CAMSAP2: variants seen among roughly 807,000 people sequenced by gnomAD.
CAMSAP2 encodes calmodulin regulated spectrin associated protein family member 2, also known as calmodulin-regulated spectrin-associated protein 2.
A neutral mutation model predicts 146.1 loss-of-function variants in CAMSAP2; 26 were observed. The ratio of observed to expected loss-of-function variants is 0.18; its 90% CI spans 0.13 to 0.25. The LOEUF is 0.25. Ranked by LOEUF, CAMSAP2 falls within the 10% of genes least tolerant of loss-of-function variation. The probability of loss-of-function intolerance (pLI) is 1.00; values close to 1 mark genes in which losing one functional copy is unlikely to be tolerated. For missense variants in CAMSAP2, 1,381 were observed against 1,759.3 expected (o/e 0.78, Z 3.85); for synonymous variants, 499 against 596.6 (o/e 0.84, Z 2.38).
intron 2 of CAMSAP2, among the ~76,000 whole-genome samples, chr1:200,770,224 A>G (rs1665077985): frequency 6.6e-6 from 1 of 152,214 alleles, no homozygotes; most frequent in African/African-American, 2.4e-5. Context: ...GTAATGTATG[A>G]TATAGGTGGT....
At chr1:200,816,251 G>A (rs1215786969) in intron 4 of CAMSAP2, among the ~76,000 whole-genome samples, 1 of 151,770 alleles carries the variant, frequency 6.6e-6, no homozygotes, top group African/African-American at 2.4e-5. Flanking sequence ...TCATGCCACT[G>A]CACTCCAGCC....
At chr1:200,812,459 A>C (rs1192612368) in intron 3 of CAMSAP2, among the ~76,000 whole-genome samples, 2 of 152,148 alleles carry the variant, frequency 1.3e-5, no homozygotes, top group African/African-American at 2.4e-5. Context: ...ATTTGATTCA[A>C]CCTGAACTGC....
At chr1:200,762,639 T>C (rs779974666) in intron 2 of CAMSAP2, among the ~76,000 whole-genome samples, 2 of 152,226 alleles carry the variant, frequency 1.3e-5, no homozygotes, top group Admixed American at 6.5e-5. Context: ...CAGATACAGA[T>C]ATATATGTCA....
intron 3 of CAMSAP2, among the ~76,000 whole-genome samples, chr1:200,808,133 G>T (rs902482821): frequency 6.6e-6 from 1 of 152,176 alleles, no homozygotes; most frequent in Non-Finnish European, 1.5e-5. Context: ...TACACAGTGG[G>T]TGTTCAGTAA....
intron 3 of CAMSAP2, among the ~76,000 whole-genome samples, chr1:200,813,862 G>A (rs1394410405): frequency 2.0e-5 from 3 of 151,996 alleles, no homozygotes; most frequent in Non-Finnish European, 4.4e-5. Context: ...ACTTTCGGAG[G>A]CTGAGGCAGG....
At chr1:200,771,760 G>C (rs1665123840) in intron 2 of CAMSAP2, among the ~76,000 whole-genome samples, 1 of 152,168 alleles carries the variant, frequency 6.6e-6, no homozygotes, top group East Asian at 1.9e-4. Context: ...AGTGATGGAA[G>C]GTGGTTGGAA....
intron 6 of CAMSAP2, among the ~76,000 whole-genome samples, chr1:200,835,599 A>G (rs939684811): frequency 6.6e-6 from 1 of 152,216 alleles, no homozygotes; most frequent in African/African-American, 2.4e-5. Context: ...AGTTGTACCC[A>G]GTCTCTTGTG....
intron 4 of CAMSAP2, among the ~76,000 whole-genome samples, chr1:200,817,074 G>A (rs1468929490): frequency 2.2e-5 from 3 of 137,786 alleles, no homozygotes; most frequent in African/African-American, 7.9e-5. Context: ...ACGTATATAT[G>A]TGTATACACA....
rs535773446 is a variant in CAMSAP2, at chr1:200,856,730, A to G, written c.4013-576A>G. ...CATGTATGGGGAAGAGCAGAGGGAA[A>G]AGGAGATGCCTCCATCTATCCATGA... On this transcript the variant is annotated intron_variant, in intron 15 of 16. Coordinates refer to ENST00000358823, the MANE Select transcript of CAMSAP2 (RefSeq NM_203459.4). Among the ~76,000 whole-genome samples the G allele has an allele frequency of 4.6e-5, 7 of 152,314 alleles. No individual in the cohort carries two copies. In the East Asian group the frequency reaches 9.7e-4, roughly 21 times the overall value.
At chr1:200,826,791 C>T (rs1020053154) in intron 4 of CAMSAP2, among the ~76,000 whole-genome samples, 3 of 151,972 alleles carry the variant, frequency 2.0e-5, no homozygotes, top group African/African-American at 4.8e-5. Context: ...GCCCCTTTGT[C>T]GGTAGAAACT....
rs373049944 is a variant in CAMSAP2, at chr1:200,765,119, A to C, written c.399+4021A>C. Among the ~76,000 whole-genome samples, 9 of 152,146 alleles carry C rather than the reference A, an allele frequency of 5.9e-5. No homozygotes were observed. In the East Asian group the frequency reaches 1.2e-3, roughly 20 times the overall value. On this transcript the variant is annotated intron_variant, in intron 2 of 16. Coordinates refer to ENST00000358823, the MANE Select transcript of CAMSAP2 (RefSeq NM_203459.4). ...ATTCCATCTCAAAAAAAACAAAAAA[A>C]CAAAAAAACTCAACGTAACTTCTCA...
intron 1 of CAMSAP2, among the ~76,000 whole-genome samples, chr1:200,751,828 C>T (rs773701383): frequency 7.2e-5 from 11 of 152,098 alleles, no homozygotes; most frequent in Non-Finnish European, 1.6e-4. Context: ...GTGTGGGAAT[C>T]TGTGTTGGAA....
intron 3 of CAMSAP2, among the ~76,000 whole-genome samples, chr1:200,814,138 A>AGGGGGGGGCGGGGGGGGG (rs1666412376): frequency 1.4e-4 from 1 of 7,138 alleles, no homozygotes; most frequent in South Asian, 4.6e-3. Flanking sequence ...TGGCGGGGGG[A>AGGGGGGGGCGGGGGGGGG]GGGGTGGGCG....
intron 2 of CAMSAP2, among the ~76,000 whole-genome samples, chr1:200,764,071 C>CA (rs1313176694): frequency 6.8e-5 from 10 of 147,780 alleles, no homozygotes; most frequent in African/African-American, 2.0e-4. Context: ...GACTCCGTCT[C>CA]AAAAAAAAAG....
chr1:200,801,071 C>T (rs1244790756), intron 2 of CAMSAP2, among the ~76,000 whole-genome samples: 1 of 152,122 alleles, frequency 6.6e-6, no homozygotes, highest in Non-Finnish European at 1.5e-5. Flanking sequence ...TGAGACCATC[C>T]TGGCCAACAT....
intron 2 of CAMSAP2, among the ~76,000 whole-genome samples, chr1:200,798,563 T>A (rs1665950905): frequency 7.1e-6 from 1 of 140,426 alleles, no homozygotes; most frequent in Non-Finnish European, 1.5e-5. Flanking sequence ...TAAGGAGATT[T>A]TGGGCTGAGA....
intron 1 of CAMSAP2, among the ~76,000 whole-genome samples, chr1:200,741,995 G>A (rs1664192555): frequency 6.6e-6 from 1 of 152,186 alleles, no homozygotes; most frequent in Admixed American, 6.5e-5. Context: ...AAAGGGTAAA[G>A]GTATTGGTGG....
At chr1:200,754,738 A>T (rs1664602181) in intron 1 of CAMSAP2, among the ~76,000 whole-genome samples, 1 of 151,622 alleles carries the variant, frequency 6.6e-6, no homozygotes, top group African/African-American at 2.4e-5. Flanking sequence ...ACCCGCCACC[A>T]GGCCCGGCTA....
intron 1 of CAMSAP2, among the ~76,000 whole-genome samples, chr1:200,744,001 G>GT (rs1664250635): frequency 6.6e-6 from 1 of 152,076 alleles, no homozygotes. Flanking sequence ...TACTTATTGA[G>GT]CTCCTACACT....
Sources: allele counts gnomAD v4.1 joint callset (sites outside exome capture counted in the v4.1 genomes callset), GRCh38; gene constraint gnomAD v4.1.1; transcripts MANE v1.5; gene names NCBI Gene and HGNC (gene_info 2026-07-23, HGNC 2026-07-21).